PARD3B: variants seen among roughly 807,000 people sequenced by gnomAD.
The protein encoded by PARD3B is par-3 family cell polarity regulator beta, also known as partitioning defective 3 homolog B.
In PARD3B, 103 loss-of-function variants were observed where a neutral mutation model predicts 130.2. The observed-to-expected ratio is 0.79, with a 90% CI of 0.67 to 0.93. PARD3B has a LOEUF of 0.93. PARD3B is among the 40% of genes least tolerant of loss of function. PARD3B has a pLI of 0.00. For missense variants in PARD3B, 1,609 were observed against 1,499.2 expected (o/e 1.07, Z -1.21); for synonymous variants, 583 against 553.2 (o/e 1.05, Z -0.76).
chr2:205,209,118 G>T (rs2037483048), intron 15 of PARD3B, among the ~76,000 whole-genome samples: 1 of 136,262 alleles, frequency 7.3e-6, no homozygotes, highest in Admixed American at 7.4e-5. Context: ...AAGCAATGGG[G>T]AAAGGATTCC....
chr2:204,844,256 A>G (rs1443591949), intron 2 of PARD3B, among the ~76,000 whole-genome samples: 1 of 152,150 alleles, frequency 6.6e-6, no homozygotes, highest in Admixed American at 6.5e-5. Flanking sequence ...TTCCTAAATT[A>G]TCATTCATTG....
intron 3 of PARD3B, among the ~76,000 whole-genome samples, chr2:204,986,151 G>A (rs1693132239): frequency 6.7e-6 from 1 of 149,078 alleles, no homozygotes; most frequent in Admixed American, 6.7e-5. Flanking sequence ...CCATATGCTA[G>A]GGACTTTCTT....
At chr2:205,459,937 G>A (rs970290003) in intron 20 of PARD3B, among the ~76,000 whole-genome samples, 12 of 152,154 alleles carry the variant, frequency 7.9e-5, no homozygotes, top group African/African-American at 2.9e-4. Context: ...TCTCCTGGCA[G>A]TGAGGCCAGT....
chr2:205,357,075 T>A (rs1191467310), intron 18 of PARD3B, among the ~76,000 whole-genome samples: 2 of 152,224 alleles, frequency 1.3e-5, no homozygotes, highest in Non-Finnish European at 2.9e-5. Context: ...TGTTCTAGCT[T>A]CTTATAATAC....
chr2:205,494,457 C>T (rs2049851726), intron 20 of PARD3B, among the ~76,000 whole-genome samples: 1 of 152,116 alleles, frequency 6.6e-6, no homozygotes, highest in Non-Finnish European at 1.5e-5. Flanking sequence ...TATGTTGATT[C>T]TCCTTTGCAC....
At chr2:205,259,597 A>G (rs749164660) in intron 16 of PARD3B, among the ~76,000 whole-genome samples, 7 of 152,074 alleles carry the variant, frequency 4.6e-5, no homozygotes, top group South Asian at 2.1e-4. Flanking sequence ...CTTTATATCA[A>G]TGTTTTTTAT....
chr2:205,204,577 T>G (rs2037178511), intron 15 of PARD3B, among the ~76,000 whole-genome samples: 1 of 152,136 alleles, frequency 6.6e-6, no homozygotes, highest in Admixed American at 6.5e-5. Context: ...GTTTTTATGG[T>G]TTTAGGCATT....
chr2:204,553,000 C>T (rs1021222261), intron 1 of PARD3B, among the ~76,000 whole-genome samples: 4 of 152,124 alleles, frequency 2.6e-5, no homozygotes, highest in Non-Finnish European at 5.9e-5. Flanking sequence ...TCTTTGCAAT[C>T]TATACATCTG....
intron 22 of PARD3B, among the ~76,000 whole-genome samples, chr2:205,557,703 A>G (rs1575354575): frequency 6.6e-6 from 1 of 152,210 alleles, no homozygotes; most frequent in East Asian, 1.9e-4. Context: ...ACCCTCAGCG[A>G]AGAGCCTGTG....
intron 2 of PARD3B, among the ~76,000 whole-genome samples, chr2:204,936,676 C>T (rs1688486221): frequency 6.6e-6 from 1 of 152,220 alleles, no homozygotes; most frequent in African/African-American, 2.4e-5. Flanking sequence ...TCTGAGTTCA[C>T]AGTCAATCTC....
At chr2:205,154,120 T>A (rs1037873128) in intron 10 of PARD3B, among the ~76,000 whole-genome samples, 2 of 152,062 alleles carry the variant, frequency 1.3e-5, no homozygotes, top group African/African-American at 4.8e-5. Flanking sequence ...ACCTACAGAA[T>A]GGGAGAAAAT....
At chr2:204,896,423 A>T (rs1421000839) in intron 2 of PARD3B, among the ~76,000 whole-genome samples, 1 of 152,130 alleles carries the variant, frequency 6.6e-6, no homozygotes, top group African/African-American at 2.4e-5. Flanking sequence ...CCTGGGCTTG[A>T]CTGGCTGAGC....
chr2:204,571,584 A>G (rs369027187), intron 1 of PARD3B, among the ~76,000 whole-genome samples: 6 of 152,174 alleles, frequency 3.9e-5, no homozygotes, highest in African/African-American at 1.2e-4. Flanking sequence ...TGCATTTTTA[A>G]TTTATACGGA....
chr2:205,450,463 A>G (rs1225508341), intron 20 of PARD3B, among the ~76,000 whole-genome samples: 1 of 124,086 alleles, frequency 8.1e-6, no homozygotes, highest in African/African-American at 3.4e-5. Context: ...TTAAGTGCAG[A>G]TTCTTTTTTT....
rs138025215 is a variant in PARD3B, at chr2:205,494,744, T to C, written c.3045-5152T>C. Reference sequence around the variant, plus strand: ...CCACAGAATGCCTGCTGCATTTTAATGCCTTTCTTGCGAGGCAACATGATA... The same window carrying C: ...CCACAGAATGCCTGCTGCATTTTAACGCCTTTCTTGCGAGGCAACATGATA... On this transcript the variant is annotated intron_variant, in intron 20 of 22. Transcript: ENST00000406610. Among the ~76,000 whole-genome samples the C allele has an allele frequency of 2.2e-3, 329 of 152,356 alleles. 1 individual carries two copies. The highest frequency in any genetic ancestry group is 3.2e-3 in the Non-Finnish European group (218 of 68,028).
chr2:204,658,756 A>G (rs2035713487), intron 1 of PARD3B, among the ~76,000 whole-genome samples: 1 of 152,180 alleles, frequency 6.6e-6, no homozygotes, highest in Non-Finnish European at 1.5e-5. Flanking sequence ...TCAGCTTCTA[A>G]TATTAATAAA....
At position 204,624,719 on chromosome 2, in the gene PARD3B, C is replaced by A. The variant is rs150177065; in HGVS notation, c.121-61462C>A. Among the ~76,000 whole-genome samples the A allele has an allele frequency of 1.3e-3, 193 of 152,194 alleles. 1 individual carries two copies. The highest frequency in any genetic ancestry group is 4.4e-3 in the African/African-American group (184 of 41,538). ...AGATAGGTTTTGTGTGGACAAAGGA[C>A]AGAATTTTCATTTCTCTGAGATAAA... On this transcript the variant is annotated intron_variant, in intron 1 of 22. Transcript: ENST00000406610.
At chr2:204,828,696 T>G (rs894250482) in intron 2 of PARD3B, among the ~76,000 whole-genome samples, 1 of 152,222 alleles carries the variant, frequency 6.6e-6, no homozygotes, top group African/African-American at 2.4e-5. Flanking sequence ...ATTCTTTAGT[T>G]CTAATCTGAG....
intron 5 of PARD3B, among the ~76,000 whole-genome samples, chr2:205,109,650 C>CTT (rs35545106): frequency 5.8e-5 from 4 of 69,294 alleles, no homozygotes; most frequent in South Asian, 5.3e-4. Context: ...AATACCTAAT[C>CTT]TTTTTTTTTT....
Sources: gnomAD v4.1 joint callset for allele counts (sites outside exome capture counted in the v4.1 genomes callset) on GRCh38, gnomAD v4.1.1 for gene constraint, MANE v1.5 for transcripts, NCBI Gene and HGNC (gene_info 2026-07-23, HGNC 2026-07-21) for gene names.